The following PALLD variants were observed in gnomAD, a reference collection of about 807,000 sequenced individuals.
PALLD encodes palladin, cytoskeletal associated protein, also known as palladin.
PALLD carries 61 observed loss-of-function variants against 123.5 expected under a neutral mutation model. The ratio of observed to expected loss-of-function variants is 0.49; its 90% CI spans 0.40 to 0.61. The LOEUF (loss-of-function observed/expected upper bound fraction) is 0.61, where lower values mean the gene tolerates loss of function less well. Ranked by LOEUF, PALLD falls within the 20% of genes least tolerant of loss-of-function variation. The pLI is 0.00. For missense variants in PALLD, 1,273 were observed against 1,377.0 expected, an observed-to-expected ratio of 0.92 and a Z score of 1.20; for synonymous variants, 465 against 496.4, an observed-to-expected ratio of 0.94 and a Z score of 0.84.
intron 2 of PALLD, among the ~76,000 whole-genome samples, chr4:168,563,842 G>A (rs1768097598): frequency 6.6e-6 from 1 of 152,158 alleles, no homozygotes; most frequent in Non-Finnish European, 1.5e-5. Flanking sequence ...CTAGTTCTGT[G>A]GAAGAAAAAC....
At chr4:168,903,705 TAG>T in intron 14 of PALLD, 50 bp from the exon 15 acceptor site, 1 of 1,437,952 alleles carries the variant, frequency 7.0e-7, no homozygotes, top group Non-Finnish European at 9.8e-7. Context: ...GTTCTCCAAA[TAG>T]AGTAGGAATA....
intron 2 of PALLD, among the ~76,000 whole-genome samples, chr4:168,663,795 A>G (rs1441102443): frequency 6.6e-6 from 1 of 152,158 alleles, no homozygotes; most frequent in Non-Finnish European, 1.5e-5. Flanking sequence ...CCATTATTTG[A>G]TATCAAATGT....
rs1223332936 is a variant in PALLD at position 168,925,007 on chromosome 4, CTGGG to C, written c.3291_3294del (p.Trp1098IlefsTer94). ...ATTCAGGGAGCCACAAAAGAAGATGCTGGGTGGTATACTGTGTCAGCCAAGAATG... is the reference window on the plus strand; with the variant it reads ...ATTCAGGGAGCCACAAAAGAAGATGCTGGTATACTGTGTCAGCCAAGAATG... On this transcript the variant is annotated frameshift_variant, in exon 20 of 22. Transcript: ENST00000505667. LOFTEE classifies it high-confidence loss of function. 6.2e-7 allele frequency: 1 copy of C among 1,614,058 alleles called. No homozygotes were observed. Among genetic ancestry groups the C allele is most frequent in the South Asian group, 1.1e-5 (1 of 91,076 alleles).
Position 168,711,894 on chromosome 4 carries a change from G to C in PALLD, c.1935G>C (p.Glu645Asp), listed in dbSNP as rs764826853. ...TPAVLLSPTKEPPPLLAKPKL... is the reference protein window; with the variant it reads ...TPAVLLSPTKDPPPLLAKPKL... ...CTGTCCTGCTTTCACCCACTAAGGA[G>C]CCACCACCTCTGCTTGCCAAACCAA... Residue 645 changes from glutamate (E) to aspartate (D), a missense_variant, in exon 10 of 22, where the codon GAG becomes GAC. Glu to Asp is a conservative substitution (Grantham distance 45). Coordinates refer to ENST00000505667, the MANE Select transcript of PALLD (RefSeq NM_001166108.2). 14 of 1,614,048 alleles carry C rather than the reference G, an allele frequency of 8.7e-6. No homozygotes were observed. The highest frequency in any genetic ancestry group is 1.2e-5 in the Non-Finnish European group (14 of 1,179,982).
At chr4:168,897,128 C>T (rs1282598363) in intron 13 of PALLD, among the ~76,000 whole-genome samples, 1 of 152,134 alleles carries the variant, frequency 6.6e-6, no homozygotes, top group African/African-American at 2.4e-5. Context: ...CAGTGCCTGG[C>T]CTCTGACTTG....
intron 15 of PALLD, among the ~76,000 whole-genome samples, chr4:168,907,613 C>T (rs1582081643): frequency 6.6e-6 from 1 of 152,116 alleles, no homozygotes; most frequent in Admixed American, 6.5e-5. Context: ...CCAAGAGAAG[C>T]CCCAAAAGAG....
At chr4:168,613,901 A>T (rs1293581746) in intron 2 of PALLD, among the ~76,000 whole-genome samples, 1 of 152,230 alleles carries the variant, frequency 6.6e-6, no homozygotes, top group East Asian at 1.9e-4. Flanking sequence ...TCATGCCAAC[A>T]TCGTGAAAAG....
At chr4:168,824,817 C>CTTTTTT (rs148235431) in intron 10 of PALLD, among the ~76,000 whole-genome samples, 2 of 97,892 alleles carry the variant, frequency 2.0e-5, no homozygotes, top group Non-Finnish European at 4.0e-5. Context: ...CAGATAAATT[C>CTTTTTT]TTTTTTTTTT....
chr4:168,539,232 A>G (rs1765374079), intron 2 of PALLD, among the ~76,000 whole-genome samples: 2 of 152,176 alleles, frequency 1.3e-5, no homozygotes, highest in African/African-American at 2.4e-5. Context: ...CAGCTAGGAA[A>G]TGATACAAGT....
At chr4:168,767,166 A>G (rs970509626) in intron 10 of PALLD, among the ~76,000 whole-genome samples, 12 of 152,030 alleles carry the variant, frequency 7.9e-5, no homozygotes, top group African/African-American at 2.9e-4. Flanking sequence ...CTCCACAACT[A>G]TCTCTGCCTT....
chr4:168,634,968 A>T (rs1256183458), intron 2 of PALLD, among the ~76,000 whole-genome samples: 1 of 152,172 alleles, frequency 6.6e-6, no homozygotes, highest in Admixed American at 6.5e-5. Context: ...TTTTATGTTT[A>T]AAGAAAACAG....
At chr4:168,549,586 C>A (rs1038510876) in intron 2 of PALLD, among the ~76,000 whole-genome samples, 22 of 152,174 alleles carry the variant, frequency 1.4e-4, no homozygotes, top group Admixed American at 1.2e-3. Context: ...TACATTCCCT[C>A]CCTCTTATTA....
intron 2 of PALLD, among the ~76,000 whole-genome samples, chr4:168,622,956 C>G (rs1368175531): frequency 6.6e-6 from 1 of 152,188 alleles, no homozygotes; most frequent in African/African-American, 2.4e-5. Context: ...CCTAAGTAAA[C>G]CCTCAGTGCT....
At chr4:168,845,220 G>C (rs887496371) in intron 10 of PALLD, among the ~76,000 whole-genome samples, 1 of 152,100 alleles carries the variant, frequency 6.6e-6, no homozygotes, top group Non-Finnish European at 1.5e-5. Flanking sequence ...TTCTATCAAG[G>C]GATACGGTCA....
In PALLD at chr4:168,536,972, C is replaced by T. The variant is rs182621256; in HGVS notation, c.908+24560C>T. 5.0e-3 allele frequency among the ~76,000 whole-genome samples: 756 copies of T among 152,070 alleles called. 4 individuals are homozygous for T. Among genetic ancestry groups the T allele is most frequent in the African/African-American group, 0.018 (729 of 41,472 alleles). ...CCTCCCGAGTAGCTGGGACTATAGG[C>T]GCCTGCCACCACGCCCGGCTAATTT... On this transcript the variant is annotated intron_variant, in intron 2 of 21. Transcript: ENST00000505667.
intron 10 of PALLD, among the ~76,000 whole-genome samples, chr4:168,809,052 A>G (rs1014058243): frequency 3.3e-5 from 5 of 152,196 alleles, no homozygotes; most frequent in African/African-American, 1.2e-4. Context: ...TATATACCCT[A>G]TGTCTAATAC....
intron 2 of PALLD, among the ~76,000 whole-genome samples, chr4:168,525,767 T>C (rs2149467323): frequency 1.3e-5 from 2 of 152,346 alleles, no homozygotes; most frequent in East Asian, 1.9e-4. Context: ...AGAATCACTC[T>C]AGTATGAGAG....
At chr4:168,571,166 G>C (rs1334314126) in intron 2 of PALLD, among the ~76,000 whole-genome samples, 1 of 152,072 alleles carries the variant, frequency 6.6e-6, no homozygotes, top group Non-Finnish European at 1.5e-5. Flanking sequence ...TTACCATTCA[G>C]TTCTCCTTTC....
chr4:168,690,787 C>T, intron 7 of PALLD, 43 bp downstream of exon 7: 1 of 1,602,624 alleles, frequency 6.2e-7, no homozygotes, highest in Non-Finnish European at 8.5e-7. Flanking sequence ...CCATTTTATT[C>T]TCTCCAGCTT....
Sources: allele counts gnomAD v4.1 joint callset (sites outside exome capture counted in the v4.1 genomes callset), GRCh38; gene constraint gnomAD v4.1.1; transcripts MANE v1.5; gene names NCBI Gene and HGNC (gene_info 2026-07-23, HGNC 2026-07-21).